The following DCC variants were observed in gnomAD, a reference collection of about 807,000 sequenced individuals.
DCC encodes DCC netrin 1 receptor.
In DCC, 58 loss-of-function variants were observed where a neutral mutation model predicts 172.5. The observed-to-expected ratio is 0.34, with a 90% CI of 0.27 to 0.42. The LOEUF is 0.42. Among genes scored for constraint, DCC ranks in the 10% least tolerant of loss-of-function variants. The probability of loss-of-function intolerance (pLI) is 1.00; values close to 1 mark genes in which losing one functional copy is unlikely to be tolerated. For missense variants in DCC, 1,740 were observed against 1,791.0 expected (o/e 0.97, Z 0.51); for synonymous variants, 709 against 644.5 (o/e 1.10, Z -1.52).
rs140988059 is a variant in DCC, at chr18:52,956,083, T to C, written c.985+30713T>C. Among the ~76,000 whole-genome samples, 343 of 152,160 alleles carry C rather than the reference T, an allele frequency of 2.3e-3. 1 individual carries two copies. Among genetic ancestry groups the C allele is most frequent in the Non-Finnish European group, 4.1e-3 (279 of 67,930 alleles). ...TTTAATTTTAACGAAGTCCAACTTA[T>C]CAATGATCTCTTTCATGGATTTTGC... is the stretch of plus-strand genomic sequence containing the variant. On this transcript the variant is annotated intron_variant, in intron 5 of 28. Coordinates refer to ENST00000442544, the MANE Select transcript of DCC (RefSeq NM_005215.4).
intron 14 of DCC, among the ~76,000 whole-genome samples, chr18:53,338,961 T>C (rs1308257819): frequency 7.9e-5 from 12 of 152,192 alleles, no homozygotes; most frequent in Admixed American, 7.2e-4. Context: ...CAATACAAGT[T>C]TGAACTCTGC....
intron 17 of DCC, among the ~76,000 whole-genome samples, chr18:53,395,358 G>A (rs1205235082): frequency 6.6e-6 from 1 of 152,164 alleles, no homozygotes; most frequent in African/African-American, 2.4e-5. Context: ...GATCTTACTT[G>A]TTGGCCTCTC....
intron 15 of DCC, among the ~76,000 whole-genome samples, chr18:53,369,647 C>T (rs1457816865): frequency 1.3e-5 from 2 of 151,688 alleles, no homozygotes; most frequent in Admixed American, 6.6e-5. Flanking sequence ...AGATAATTTC[C>T]TTTGATTCCT....
chr18:52,999,844 T>C (rs1015275094), intron 5 of DCC, among the ~76,000 whole-genome samples: 5 of 152,070 alleles, frequency 3.3e-5, no homozygotes, highest in South Asian at 2.1e-4. Context: ...GTGACCTTAG[T>C]TGAAAATAGG....
chr18:52,931,677 T>A (rs748297410), intron 5 of DCC: 1 of 152,150 alleles, frequency 6.6e-6, no homozygotes, highest in Non-Finnish European at 1.5e-5. Flanking sequence ...TTTGGAGATA[T>A]CTTTATTAGA....
intron 12 of DCC, among the ~76,000 whole-genome samples, chr18:53,300,112 T>C (rs1396650274): frequency 6.6e-6 from 1 of 152,206 alleles, no homozygotes; most frequent in Non-Finnish European, 1.5e-5. Context: ...AGATCAATTG[T>C]ATGTAACTAG....
chr18:53,109,840 T>C (rs1442325539), intron 7 of DCC, among the ~76,000 whole-genome samples: 2 of 151,708 alleles, frequency 1.3e-5, no homozygotes, highest in Admixed American at 6.6e-5. Context: ...CTGAGTTTTC[T>C]GGTCTACCAT....
At chr18:52,788,478 A>G (rs1423374670) in intron 2 of DCC, among the ~76,000 whole-genome samples, 1 of 152,180 alleles carries the variant, frequency 6.6e-6, no homozygotes, top group Non-Finnish European at 1.5e-5. Flanking sequence ...TCTAAGTGGT[A>G]TGATTAAGAC....
At chr18:53,203,216 TG>T (rs2055570697) in intron 9 of DCC, among the ~76,000 whole-genome samples, 1 of 151,386 alleles carries the variant, frequency 6.6e-6, no homozygotes. Flanking sequence ...TGTGTGTGTG[TG>T]TGTGTGTGTG....
chr18:52,502,437 A>G (rs576742414), intron 1 of DCC, among the ~76,000 whole-genome samples: 75 of 152,228 alleles, frequency 4.9e-4, no homozygotes, highest in South Asian at 2.1e-3. Context: ...TCTCGACACT[A>G]TTTAACATTT....
chr18:53,246,695 C>G, intron 12 of DCC, among the ~76,000 whole-genome samples: 1 of 151,964 alleles, frequency 6.6e-6, no homozygotes, highest in Non-Finnish European at 1.5e-5. Context: ...GAACAGTTTC[C>G]CAAAGCAGGA....
intron 2 of DCC, among the ~76,000 whole-genome samples, chr18:52,825,360 G>A (rs1422501514): frequency 1.3e-5 from 2 of 151,980 alleles, no homozygotes; most frequent in Admixed American, 6.6e-5. Flanking sequence ...TCTGAAAAAA[G>A]CTGCTGTATT....
intron 8 of DCC, among the ~76,000 whole-genome samples, chr18:53,176,727 G>T (rs2055101535): frequency 6.6e-6 from 1 of 151,668 alleles, no homozygotes; most frequent in Admixed American, 6.6e-5. Context: ...TTACACTGTT[G>T]CTGGGACTGT....
chr18:52,992,593 C>T (rs549612862), intron 5 of DCC, among the ~76,000 whole-genome samples: 1 of 152,266 alleles, frequency 6.6e-6, no homozygotes, highest in Non-Finnish European at 1.5e-5. Flanking sequence ...GCCACTGATT[C>T]TTAATAGATA....
intron 26 of DCC, among the ~76,000 whole-genome samples, chr18:53,490,172 G>T (rs1201995648): frequency 2.6e-5 from 4 of 152,124 alleles, no homozygotes; most frequent in Non-Finnish European, 4.4e-5. Context: ...ACTTGACCTA[G>T]ATAAAATGAG....
At chr18:52,342,015 A>T (rs1453019430) in intron 1 of DCC, among the ~76,000 whole-genome samples, 1 of 152,154 alleles carries the variant, frequency 6.6e-6, no homozygotes, top group Non-Finnish European at 1.5e-5. Flanking sequence ...AATCGCGGCC[A>T]AGCCCCCAGC....
At chr18:52,940,701 T>C (rs1194927361) in intron 5 of DCC, among the ~76,000 whole-genome samples, 10 of 152,200 alleles carry the variant, frequency 6.6e-5, no homozygotes. Flanking sequence ...ATACAAACTA[T>C]GCTGATATGA....
intron 9 of DCC, among the ~76,000 whole-genome samples, chr18:53,183,547 A>G (rs1256296585): frequency 6.6e-6 from 1 of 152,122 alleles, no homozygotes; most frequent in East Asian, 1.9e-4. Context: ...AATGGACCAC[A>G]TACTGGCTTG....
chr18:52,715,917 A>G (rs1056307012), intron 1 of DCC, among the ~76,000 whole-genome samples: 1 of 152,034 alleles, frequency 6.6e-6, no homozygotes, highest in Non-Finnish European at 1.5e-5. Context: ...CTTCTATCTG[A>G]GTTCTGTGAA....
Sources: gnomAD v4.1 joint callset for allele counts (sites outside exome capture counted in the v4.1 genomes callset) on GRCh38, gnomAD v4.1.1 for gene constraint, MANE v1.5 for transcripts, NCBI Gene and HGNC (gene_info 2026-07-23, HGNC 2026-07-21) for gene names.